Variants in LRP1B observed in about 807,000 individuals in gnomAD.
The protein encoded by LRP1B is low-density lipoprotein receptor-related protein 1B.
LRP1B carries 217 observed loss-of-function variants against 556.6 expected under a neutral mutation model. That is an observed-to-expected ratio of 0.39 (90% CI 0.35 to 0.44). The LOEUF (loss-of-function observed/expected upper bound fraction) is 0.44. LRP1B is among the 20% of genes least tolerant of loss of function. The pLI is 1.00. For synonymous variants in LRP1B, 2,047 were observed against 1,865.8 expected (o/e 1.10, Z -2.50); for missense variants, 5,053 against 5,620.8 (o/e 0.90, Z 3.23).
At chr2:142,025,417 T>C (rs935555148) in intron 1 of LRP1B, among the ~76,000 whole-genome samples, 2 of 152,176 alleles carry the variant, frequency 1.3e-5, no homozygotes, top group African/African-American at 4.8e-5. Context: ...GCACTTTTAT[T>C]ATTCCCATTT....
intron 41 of LRP1B, among the ~76,000 whole-genome samples, chr2:140,651,804 C>T (rs1395155704): frequency 3.3e-5 from 5 of 151,948 alleles, no homozygotes; most frequent in South Asian, 2.1e-4. Context: ...GAAGCCATTT[C>T]GAGTGGAATG....
chr2:140,493,342 C>A (rs562919567), intron 56 of LRP1B, among the ~76,000 whole-genome samples: 10 of 151,992 alleles, frequency 6.6e-5, no homozygotes, highest in Admixed American at 2.0e-4. Context: ...TGGGAAAGAG[C>A]GTGATAAAGA....
intron 1 of LRP1B, among the ~76,000 whole-genome samples, chr2:141,898,968 T>C (rs1302759344): frequency 6.6e-6 from 1 of 152,162 alleles, no homozygotes; most frequent in Non-Finnish European, 1.5e-5. Context: ...ACTGCATTAT[T>C]ATCAGGCCAC....
intron 3 of LRP1B, among the ~76,000 whole-genome samples, chr2:141,469,443 AGGC>A (rs1682376469): frequency 1.3e-5 from 2 of 152,106 alleles, no homozygotes; most frequent in African/African-American, 4.8e-5. Flanking sequence ...TTAGTTCTAG[AGGC>A]TAGAAAGTCC....
intron 2 of LRP1B, among the ~76,000 whole-genome samples, chr2:141,735,688 C>T (rs969055980): frequency 6.6e-6 from 1 of 151,968 alleles, no homozygotes; most frequent in Admixed American, 6.6e-5. Context: ...ACTTTTTTCT[C>T]TTCTGCAGAG....
rs16844297 is a variant in LRP1B at position 140,594,592 on chromosome 2, A to C, written c.7194+4039T>G. Reference sequence around the variant, plus strand: ...TCTCTCCAACACTTTAAAATCAATTAACTTAAATATAGGTTACTTCTTTCT... The same window carrying C: ...TCTCTCCAACACTTTAAAATCAATTCACTTAAATATAGGTTACTTCTTTCT... On this transcript the variant is annotated intron_variant, in intron 43 of 90. Coordinates refer to ENST00000389484, the MANE Select transcript of LRP1B (RefSeq NM_018557.3). Among the ~76,000 whole-genome samples the C allele has an allele frequency of 4.6e-3, 703 of 152,274 alleles. 11 individuals carry two copies. The highest frequency in any genetic ancestry group is 0.016 in the African/African-American group (652 of 41,562).
chr2:141,998,056 A>T (rs1490207055), intron 1 of LRP1B, among the ~76,000 whole-genome samples: 1 of 152,144 alleles, frequency 6.6e-6, no homozygotes, highest in African/African-American at 2.4e-5. Context: ...ACATATAGAG[A>T]AATCTCTGCA....
intron 66 of LRP1B, among the ~76,000 whole-genome samples, chr2:140,406,987 A>T (rs745305702): frequency 3.9e-5 from 6 of 152,152 alleles, no homozygotes; most frequent in Non-Finnish European, 8.8e-5. Flanking sequence ...GCTGGTATAA[A>T]ATCGGCACGT....
chr2:141,268,578 C>T (rs1325309266), intron 3 of LRP1B, among the ~76,000 whole-genome samples: 1 of 151,954 alleles, frequency 6.6e-6, no homozygotes, highest in Non-Finnish European at 1.5e-5. Flanking sequence ...GAAATCAATA[C>T]AAAACCAAAA....
At chr2:140,403,715 TGAG>T (rs1684606408) in intron 66 of LRP1B, among the ~76,000 whole-genome samples, 1 of 152,076 alleles carries the variant, frequency 6.6e-6, no homozygotes, top group African/African-American at 2.4e-5. Flanking sequence ...AGGGAATAAT[TGAG>T]GAGAATTTCC....
chr2:140,655,202 A>C (rs1017581599), intron 41 of LRP1B, among the ~76,000 whole-genome samples: 1 of 152,174 alleles, frequency 6.6e-6, no homozygotes, highest in Non-Finnish European at 1.5e-5. Flanking sequence ...AAAATTTACC[A>C]ATTCATCAGT....
intron 3 of LRP1B, among the ~76,000 whole-genome samples, chr2:141,403,918 C>T (rs953772188): frequency 6.6e-6 from 1 of 152,148 alleles, no homozygotes; most frequent in Admixed American, 6.5e-5. Flanking sequence ...TCTTAAAGGT[C>T]ACTCACATCA....
At chr2:140,971,527 C>A (rs893009314) in intron 18 of LRP1B, among the ~76,000 whole-genome samples, 10 of 152,168 alleles carry the variant, frequency 6.6e-5, no homozygotes, top group African/African-American at 2.4e-4. Context: ...AGTTTACATT[C>A]TCTGATCTTC....
intron 7 of LRP1B, among the ~76,000 whole-genome samples, chr2:141,175,324 A>C (rs1680687768): frequency 6.6e-6 from 1 of 152,154 alleles, no homozygotes; most frequent in Non-Finnish European, 1.5e-5. Flanking sequence ...ACAATGAAGA[A>C]AACCCACCAC....
intron 43 of LRP1B, among the ~76,000 whole-genome samples, chr2:140,546,363 T>C (rs183961323): frequency 4.6e-5 from 7 of 152,204 alleles, no homozygotes; most frequent in Admixed American, 4.6e-4. Context: ...TATTAGTACA[T>C]TCTTATGCTG....
chr2:141,341,808 C>T (rs1167332144), intron 3 of LRP1B, among the ~76,000 whole-genome samples: 2 of 152,118 alleles, frequency 1.3e-5, no homozygotes, highest in African/African-American at 4.8e-5. Flanking sequence ...AAGATCTTGG[C>T]CCTGAGTCAT....
At chr2:141,303,597 G>A (rs1355211349) in intron 3 of LRP1B, among the ~76,000 whole-genome samples, 4 of 152,080 alleles carry the variant, frequency 2.6e-5, no homozygotes, top group African/African-American at 9.7e-5. Flanking sequence ...TTCTATCTAT[G>A]TTGTAGCAAA....
At chr2:140,309,723 C>T (rs1187357945) in intron 83 of LRP1B, among the ~76,000 whole-genome samples, 1 of 151,664 alleles carries the variant, frequency 6.6e-6, no homozygotes, top group Non-Finnish European at 1.5e-5. Context: ...AACAATAATA[C>T]ATGTTAATAG....
At chr2:141,847,353 T>C (rs1443706489) in intron 1 of LRP1B, among the ~76,000 whole-genome samples, 1 of 151,558 alleles carries the variant, frequency 6.6e-6, no homozygotes, top group African/African-American at 2.4e-5. Context: ...CTACATACTG[T>C]AAAGATGTAA....
Sources: gnomAD v4.1 joint callset for allele counts (sites outside exome capture counted in the v4.1 genomes callset) on GRCh38, gnomAD v4.1.1 for gene constraint, MANE v1.5 for transcripts, NCBI Gene and HGNC (gene_info 2026-07-23, HGNC 2026-07-21) for gene names.